The following FLYWCH2 variants were observed in gnomAD, a reference collection of about 807,000 sequenced individuals.
The protein encoded by FLYWCH2 is FLYWCH family member 2.
In FLYWCH2, 2 loss-of-function variants were observed where a neutral mutation model predicts 6.0. The observed-to-expected ratio is 0.33, with a 90% confidence interval of 0.14 to 1.04. The LOEUF (loss-of-function observed/expected upper bound fraction) is 1.04. Ranked by LOEUF, FLYWCH2 falls within the 50% of genes least tolerant of loss-of-function variation. The pLI, the probability that FLYWCH2 is intolerant of heterozygous loss-of-function variation, is 0.45. For synonymous variants in FLYWCH2, 87 were observed against 79.3 expected (o/e 1.10, Z -0.52); for missense variants, 192 against 183.4 (o/e 1.05, Z -0.27).
chr16:2,886,897 G>C (rs2069704982), intron 1 of FLYWCH2, among the ~76,000 whole-genome samples: 1 of 151,972 alleles, frequency 6.6e-6, no homozygotes, highest in Non-Finnish European at 1.5e-5. Context: ...CCAGATACAA[G>C]TCCCTTATCA....
intron 1 of FLYWCH2, among the ~76,000 whole-genome samples, chr16:2,884,143 T>C (rs55723250): frequency 0.068 from 10,271 of 150,410 alleles, 477 homozygotes; most frequent in Non-Finnish European, 0.1. Context: ...CTGGGAACTT[T>C]TGCGATGACT....
At chr16:2,898,017 C>T (rs1174944088) in intron 3 of FLYWCH2, among the ~76,000 whole-genome samples, 1 of 152,176 alleles carries the variant, frequency 6.6e-6, no homozygotes, top group East Asian at 1.9e-4. Context: ...AGCCAGGGCA[C>T]TCAGCCTGGC....
intron 2 of FLYWCH2, among the ~76,000 whole-genome samples, chr16:2,895,684 A>G (rs531873277): frequency 6.6e-6 from 1 of 152,346 alleles, no homozygotes; most frequent in Non-Finnish European, 1.5e-5. Flanking sequence ...ATGTGGCTGG[A>G]TCTGGTTGTC....
intron 1 of FLYWCH2, among the ~76,000 whole-genome samples, chr16:2,892,780 G>T (rs1380402699): frequency 6.6e-6 from 1 of 151,212 alleles, no homozygotes; most frequent in Non-Finnish European, 1.5e-5. Flanking sequence ...GGAGGTGGAG[G>T]TTGCAGTGAT....
intron 1 of FLYWCH2, among the ~76,000 whole-genome samples, chr16:2,886,722 T>C (rs1323896935): frequency 6.6e-6 from 1 of 151,710 alleles, no homozygotes; most frequent in South Asian, 2.1e-4. Flanking sequence ...GGTTTCTCCA[T>C]GTTGGTCAGG....
At chr16:2,893,189 T>G (rs1256851478) in intron 1 of FLYWCH2, among the ~76,000 whole-genome samples, 1 of 151,998 alleles carries the variant, frequency 6.6e-6, no homozygotes, top group Non-Finnish European at 1.5e-5. Context: ...ATAGGCATGA[T>G]TGATTGAACT....
chr16:2,899,318 A>C lies in FLYWCH2; in HGVS notation c.*169A>C, dbSNP rs566801149. The C allele has an allele frequency of 1.3e-5, 7 of 520,576 alleles. No homozygotes were observed. In the East Asian group the frequency reaches 2.4e-4, roughly 18 times the overall value. The allele number at this position is 520,576 out of a possible 1,614,324, so 32.2% of individuals were successfully genotyped here. A position where few individuals can be genotyped will look rare whatever the true frequency, so the allele number is the denominator to read the frequency against. On this transcript the variant is annotated 3_prime_UTR_variant, in exon 4 of 4. Transcript: ENST00000396958. ...GTATAAGTTACTTTTGTAAGCAGAA[A>C]AATACTTTCAAACAAGAATAAAAGA... is the stretch of plus-strand genomic sequence containing the variant.
chr16:2,890,324 C>G lies in FLYWCH2; in HGVS notation c.-199-4896C>G, dbSNP rs143191389. 7.9e-3 allele frequency among the ~76,000 whole-genome samples: 1,194 copies of G among 151,766 alleles called. 17 individuals are homozygous for G. Among genetic ancestry groups the G allele is most frequent in the African/African-American group, 0.027 (1,123 of 41,378 alleles). On this transcript the variant is annotated intron_variant, in intron 1 of 3. Coordinates refer to ENST00000396958, the MANE Select transcript of FLYWCH2 (RefSeq NM_138439.3). ...AGTGCAGTGGTGAGATCTTGGCTCACTGCAACCTCTGCCTCCCAGGTTAAA... is the reference window on the plus strand; with the variant it reads ...AGTGCAGTGGTGAGATCTTGGCTCAGTGCAACCTCTGCCTCCCAGGTTAAA...
chr16:2,886,599 G>A (rs889196043), intron 1 of FLYWCH2, among the ~76,000 whole-genome samples: 8 of 126,444 alleles, frequency 6.3e-5, no homozygotes, highest in Non-Finnish European at 1.1e-4. Context: ...TCAGCTTACC[G>A]CAACCTCCGC....
intron 1 of FLYWCH2, among the ~76,000 whole-genome samples, chr16:2,886,740 C>T (rs955831455): frequency 6.6e-6 from 1 of 151,732 alleles, no homozygotes; most frequent in Non-Finnish European, 1.5e-5. Context: ...AGGCTGGTCT[C>T]GAACTCCCGA....
At chr16:2,886,516 CTTTTTTTT>C (rs34052316) in intron 1 of FLYWCH2, among the ~76,000 whole-genome samples, 2 of 66,872 alleles carry the variant, frequency 3.0e-5, no homozygotes, top group South Asian at 5.2e-4. Context: ...CCCCTTTGTC[CTTTTTTTT>C]TTTTTTTTTT....
intron 1 of FLYWCH2, among the ~76,000 whole-genome samples, chr16:2,890,201 T>G (rs146582627): frequency 6.6e-6 from 1 of 150,598 alleles, no homozygotes; most frequent in East Asian, 1.9e-4. Flanking sequence ...TTCATTTTTG[T>G]GTGCGTGTGT....
At chr16:2,896,329 C>A in intron 2 of FLYWCH2, 23 bp from the exon 3 acceptor site, 2 of 1,300,688 alleles carry the variant, frequency 1.5e-6, no homozygotes, top group Non-Finnish European at 2.0e-6. Flanking sequence ...CCACCACTGA[C>A]GGGATTTTGC....
intron 1 of FLYWCH2, among the ~76,000 whole-genome samples, chr16:2,891,072 C>G (rs937206966): frequency 6.6e-6 from 1 of 152,176 alleles, no homozygotes; most frequent in Non-Finnish European, 1.5e-5. Flanking sequence ...GGGTTATAAT[C>G]CCGACCACTG....
rs539123303 is a variant in FLYWCH2, at chr16:2,886,259, C to T, written c.-200+2893C>T. On this transcript the variant is annotated intron_variant, in intron 1 of 3. Coordinates refer to ENST00000396958, the MANE Select transcript of FLYWCH2 (RefSeq NM_138439.3). ...GCAGTGTAGTGCAGTGGCGCCACCTCGGCTCACTGAAATCTCCACCTCCCG... is the reference window on the plus strand; with the variant it reads ...GCAGTGTAGTGCAGTGGCGCCACCTTGGCTCACTGAAATCTCCACCTCCCG... Among the ~76,000 whole-genome samples the T allele has an allele frequency of 1.3e-4, 20 of 152,082 alleles. No homozygotes were observed. In the South Asian group the frequency reaches 1.5e-3, roughly 11 times the overall value.
In FLYWCH2 at chr16:2,887,366, G is replaced by A. The variant is rs145700989; in HGVS notation, c.-200+4000G>A. ...AGTAGAGATGAGGTCTCGCCATGTT[G>A]CCCAGGCTAGACCTGAACTCCCGAG... On this transcript the variant is annotated intron_variant, in intron 1 of 3. Transcript: ENST00000396958. Among the ~76,000 whole-genome samples the A allele has an allele frequency of 5.3e-3, 693 of 130,528 alleles. 7 individuals are homozygous for A. Among genetic ancestry groups the A allele is most frequent in the African/African-American group, 0.018 (616 of 34,252 alleles). The allele number at this position is 130,528 out of a possible 152,430, so 85.6% of individuals were successfully genotyped here. A position where few individuals can be genotyped will look rare whatever the true frequency, so the allele number is the denominator to read the frequency against.
At position 2,897,301 on chromosome 16, in the gene FLYWCH2, G is replaced by A. The variant is rs75771430; in HGVS notation, c.322+530G>A. Among the ~76,000 whole-genome samples, 1,000 of 152,218 alleles carry A rather than the reference G, an allele frequency of 6.6e-3. 8 individuals are homozygous for A. Among genetic ancestry groups the A allele is most frequent in the African/African-American group, 0.023 (948 of 41,532 alleles). ...GGCAGTGACCTCAGCCTGGCTCTCC[G>A]GGACTGCCCCTGCTCTCCCTACCTC... On this transcript the variant is annotated intron_variant, in intron 3 of 3. Coordinates refer to ENST00000396958, the MANE Select transcript of FLYWCH2 (RefSeq NM_138439.3).
At chr16:2,892,233 G>T (rs2069765779) in intron 1 of FLYWCH2, among the ~76,000 whole-genome samples, 2 of 151,122 alleles carry the variant, frequency 1.3e-5, no homozygotes, top group Admixed American at 1.3e-4. Flanking sequence ...GGTAGCTCAT[G>T]CCTGTAATCC....
intron 1 of FLYWCH2, among the ~76,000 whole-genome samples, chr16:2,889,658 T>TA (rs967825892): frequency 1.3e-5 from 2 of 152,054 alleles, no homozygotes; most frequent in African/African-American, 2.4e-5. Context: ...TACTTACCTT[T>TA]AAAAAAAACT....
Sources: allele counts gnomAD v4.1 joint callset (sites outside exome capture counted in the v4.1 genomes callset), GRCh38; gene constraint gnomAD v4.1.1; transcripts MANE v1.5; gene names NCBI Gene and HGNC (gene_info 2026-07-23, HGNC 2026-07-21).